CNBD1: variants seen among roughly 807,000 people sequenced by gnomAD.
CNBD1 encodes the protein cyclic nucleotide-binding domain-containing protein 1.
A neutral mutation model predicts 54.4 loss-of-function variants in CNBD1; 71 were observed. The ratio of observed to expected loss-of-function variants is 1.30; its 90% CI spans 1.08 to 1.59. CNBD1 has a LOEUF of 1.59. Ranked by LOEUF, CNBD1 falls within the 40% of genes most tolerant of loss-of-function variation. CNBD1 has a pLI of 0.00. For missense variants in CNBD1, 659 were observed against 518.0 expected, an observed-to-expected ratio of 1.27 and a Z score of -2.64; for synonymous variants, 182 against 170.7, an observed-to-expected ratio of 1.07 and a Z score of -0.51.
chr8:86,920,582 G>A (rs1048216477), intron 3 of CNBD1, among the ~76,000 whole-genome samples: 5 of 152,104 alleles, frequency 3.3e-5, no homozygotes, highest in Admixed American at 2.0e-4. Flanking sequence ...AACTCCACTG[G>A]CTACTCTCTA....
intron 4 of CNBD1, among the ~76,000 whole-genome samples, chr8:87,127,700 G>A (rs1812021619): frequency 1.3e-5 from 2 of 152,128 alleles, no homozygotes; most frequent in Admixed American, 6.5e-5. Flanking sequence ...AGAGTGATGA[G>A]AACAGACATT....
At chr8:87,330,575 C>T (rs1563555762) in intron 8 of CNBD1, among the ~76,000 whole-genome samples, 1 of 152,032 alleles carries the variant, frequency 6.6e-6, no homozygotes, top group African/African-American at 2.4e-5. Flanking sequence ...GTTTAAGTCT[C>T]AAAATATTTT....
At chr8:87,275,884 A>T (rs570286107) in intron 6 of CNBD1, among the ~76,000 whole-genome samples, 3 of 152,002 alleles carry the variant, frequency 2.0e-5, no homozygotes, top group African/African-American at 7.2e-5. Flanking sequence ...GTCTCAGGAT[A>T]CAAAATCAAT....
chr8:87,114,869 CA>C (rs536516854), intron 4 of CNBD1, among the ~76,000 whole-genome samples: 2 of 152,152 alleles, frequency 1.3e-5, no homozygotes, highest in Non-Finnish European at 2.9e-5. Flanking sequence ...TCACGTTCAT[CA>C]GGGGCATGAT....
chr8:87,177,796 A>G (rs868141045), intron 4 of CNBD1, among the ~76,000 whole-genome samples: 2 of 152,180 alleles, frequency 1.3e-5, no homozygotes, highest in African/African-American at 4.8e-5. Flanking sequence ...CTATTTTTTA[A>G]TGTTTTAATG....
chr8:87,377,824 G>C (rs1267469144), intron 10 of CNBD1, among the ~76,000 whole-genome samples: 1 of 150,022 alleles, frequency 6.7e-6, no homozygotes, highest in Admixed American at 6.7e-5. Context: ...GTTGTTTCCT[G>C]ACTTTTTAAT....
intron 1 of CNBD1, among the ~76,000 whole-genome samples, chr8:86,866,815 G>A (rs2453452): frequency 0.055 from 8,430 of 152,100 alleles, 322 homozygotes; most frequent in Middle Eastern, 0.095. Context: ...GGATCTTTAC[G>A]AACTCTTAGA....
chr8:86,875,038 G>C (rs1808496549), intron 1 of CNBD1, among the ~76,000 whole-genome samples: 1 of 138,878 alleles, frequency 7.2e-6, no homozygotes, highest in Non-Finnish European at 1.5e-5. Context: ...AAAATTGTGA[G>C]TTTACACTGA....
intron 8 of CNBD1, among the ~76,000 whole-genome samples, chr8:87,292,447 G>A (rs974193064): frequency 2.6e-5 from 4 of 152,160 alleles, no homozygotes; most frequent in African/African-American, 7.2e-5. Flanking sequence ...TTAATTCTCA[G>A]TATGCATGCG....
At chr8:87,386,796 A>T (rs184775289), downstream of CNBD1, among the ~76,000 whole-genome samples, 355 of 152,300 alleles carry the variant, frequency 2.3e-3, 2 homozygotes, top group African/African-American at 7.2e-3. Flanking sequence ...ACTCCAAGAC[A>T]CATAATTGTC....
intron 8 of CNBD1, among the ~76,000 whole-genome samples, chr8:87,317,162 A>C (rs1358142167): frequency 6.6e-6 from 1 of 151,754 alleles, no homozygotes; most frequent in Non-Finnish European, 1.5e-5. Context: ...CCTTGGTTTC[A>C]TTAATTTTCT....
chr8:87,287,959 A>AT (rs552092887), intron 8 of CNBD1, among the ~76,000 whole-genome samples: 72 of 152,068 alleles, frequency 4.7e-4, no homozygotes, highest in Middle Eastern at 3.4e-3. Context: ...TGTTTATGAC[A>AT]TTTTTTTCCT....
chr8:87,344,015 CTAGA>C (rs1375182369), intron 8 of CNBD1, among the ~76,000 whole-genome samples: 4 of 151,824 alleles, frequency 2.6e-5, no homozygotes, highest in African/African-American at 9.7e-5. Context: ...GATTTGAGCA[CTAGA>C]TAGTCAATAT....
intron 10 of CNBD1, among the ~76,000 whole-genome samples, chr8:87,377,225 A>G (rs1466628094): frequency 3.3e-5 from 5 of 151,458 alleles, no homozygotes; most frequent in Non-Finnish European, 7.4e-5. Flanking sequence ...ATATGTATAC[A>G]TGTGCCATGC....
At chr8:87,324,187 C>T (rs1294138788) in intron 8 of CNBD1, among the ~76,000 whole-genome samples, 2 of 127,106 alleles carry the variant, frequency 1.6e-5, no homozygotes, top group African/African-American at 2.9e-5. Context: ...TTTTGATGTG[C>T]TGCTGGATTC....
chr8:87,403,565 T>A (rs576089721), intron 2 of CNBD1, among the ~76,000 whole-genome samples: 20 of 152,208 alleles, frequency 1.3e-4, no homozygotes, highest in Middle Eastern at 3.4e-3. Flanking sequence ...TGAATGTTGC[T>A]TTACTTCTCT....
At chr8:87,424,162 TC>T (rs1206043252) in intron 2 of CNBD1, among the ~76,000 whole-genome samples, 2 of 151,812 alleles carry the variant, frequency 1.3e-5, no homozygotes, top group East Asian at 3.9e-4. Context: ...TTGACTCTTC[TC>T]CCTTTTTTCT....
At chr8:87,315,402 A>G (rs1385268930) in intron 8 of CNBD1, among the ~76,000 whole-genome samples, 1 of 151,172 alleles carries the variant, frequency 6.6e-6, no homozygotes, top group Admixed American at 6.6e-5. Context: ...TTTTTGGCTC[A>G]TGGTTCTGCA....
At chr8:87,040,590 A>AT (rs1246345277) in intron 4 of CNBD1, among the ~76,000 whole-genome samples, 2 of 150,972 alleles carry the variant, frequency 1.3e-5, no homozygotes, top group African/African-American at 2.4e-5. Context: ...CGCCTGGATA[A>AT]TTTTTTTGTA....
Sources: gnomAD v4.1 joint callset for allele counts (sites outside exome capture counted in the v4.1 genomes callset) on GRCh38, gnomAD v4.1.1 for gene constraint, MANE v1.5 for transcripts, NCBI Gene and HGNC (gene_info 2026-07-23, HGNC 2026-07-21) for gene names.